CST9: variants seen among roughly 807,000 people sequenced by gnomAD.
The protein encoded by CST9 is cystatin-9.
In CST9, 11 loss-of-function variants were observed where a neutral mutation model predicts 7.7. The ratio of observed to expected loss-of-function variants is 1.44; its 90% CI spans 0.90 to 2.38. CST9 has a LOEUF of 2.38. CST9 is among the 30% of genes most tolerant of loss of function. The probability of loss-of-function intolerance (pLI) is 0.00; values close to 1 mark genes in which losing one functional copy is unlikely to be tolerated. For missense variants in CST9, 214 were observed against 199.1 expected, an observed-to-expected ratio of 1.07 and a Z score of -0.45; for synonymous variants, 71 against 74.3, an observed-to-expected ratio of 0.96 and a Z score of 0.23.
At position 23,603,611 on chromosome 20, in the gene CST9, C is replaced by T. The variant is rs1306313946; in HGVS notation, c.379G>A (p.Gly127Ser). ...ESLELNNVRQ[G>S]ISFPQVHSCG... is the part of the protein sequence containing the mutation. ...CTGTGGACCTGAGGAAAGCTGATGC[C>T]CTGTCTTACGTTGTTCAGCTCCAGG... Residue 127 changes from glycine to serine, a missense_variant, in exon 2 of 2, where the codon GGC becomes AGC. By Grantham distance (56) the Gly-to-Ser change is moderately conservative. Transcript: ENST00000376971. 3.1e-6 allele frequency: 5 copies of T among 1,614,076 alleles called. No individual in the cohort carries two copies. Among genetic ancestry groups the T allele is most frequent in the South Asian group, 2.2e-5 (2 of 91,092 alleles).
At chr20:23,604,451 T>C (rs1978707446) in intron 1 of CST9, among the ~76,000 whole-genome samples, 1 of 152,178 alleles carries the variant, frequency 6.6e-6, no homozygotes, top group African/African-American at 2.4e-5. Context: ...ATTTAGGACT[T>C]ATAGACCATA....
Position 23,605,848 on chromosome 20 carries a change from C to G in CST9, c.17G>C (p.Arg6Thr). The change falls in exon 1 of 2, where the codon AGG (arginine) becomes ACG (threonine). Residue 6 changes from arginine (R) to threonine (T), a missense_variant. By Grantham distance (71) the Arg-to-Thr change is moderately conservative. Transcript: ENST00000376971. ...CAGTGCCCAGGGCATAGCCTTCCTC[C>G]TCTGCGGACTCGACATGATGCAGGC... MSSPQRRKAMPWALSL... is the reference protein window; with the variant it reads MSSPQTRKAMPWALSL... The G allele has an allele frequency of 1.2e-6, 2 of 1,614,174 alleles. No homozygotes were observed. Among genetic ancestry groups the G allele is most frequent in the Non-Finnish European group, 1.7e-6 (2 of 1,180,036 alleles).
At chr20:23,604,110 C>T (rs1380605770) in intron 1 of CST9, among the ~76,000 whole-genome samples, 2 of 152,170 alleles carry the variant, frequency 1.3e-5, no homozygotes, top group African/African-American at 4.8e-5. Flanking sequence ...GTTGGATCTC[C>T]AAGAGTTTTC....
Position 23,603,730 on chromosome 20 carries a change from C to A in CST9, c.260G>T (p.Arg87Leu), listed in dbSNP as rs755220353. The stretch of plus-strand genomic sequence containing the variant: ...ATTCATGGAGAACACCATCTTACCT[C>A]GCCACTGTTGGACAAAAGAAGATTA... ...WREDSMDRKW[R>L]GKMVFSMNLQ... is the part of the protein sequence containing the mutation. Residue 87 changes from arginine to leucine, a missense_variant, in exon 2 of 2, where the codon CGA (arginine) becomes CTA (leucine). Transcript: ENST00000376971. 1.2e-6 allele frequency: 2 copies of A among 1,614,082 alleles called. No homozygotes were observed. Among genetic ancestry groups the A allele is most frequent in the South Asian group, 1.1e-5 (1 of 91,088 alleles).
rs779616489 is a variant in CST9, at chr20:23,605,703, G to C, written c.162C>G (p.Ala54=). Residue 54 remains alanine (A), a synonymous_variant, in exon 1 of 2, where the codon GCC becomes GCG. Transcript: ENST00000376971. ...TGCTCTGCACGTTGAAAGTGTTCAA[G>C]GCAAACTCCACTGTGGCGAGGAACA... ...DPMFLATVEF[A]LNTFNVQSKE... is the part of the protein sequence containing the mutation. 1.1e-5 allele frequency: 17 copies of C among 1,614,198 alleles called. No individual in the cohort carries two copies. Among genetic ancestry groups the C allele is most frequent in the Non-Finnish European group, 1.4e-5 (17 of 1,180,038 alleles).
chr20:23,602,992 T>G lies in CST9; in HGVS notation c.*518A>C, dbSNP rs1978656119. The G allele has an allele frequency of 1.0e-6, 1 of 1,001,724 alleles. No individual in the cohort carries two copies. Among genetic ancestry groups the G allele is most frequent in the East Asian group, 1.1e-4 (1 of 9,402 alleles). The allele number at this position is 1,001,724 out of a possible 1,614,324, so 62.1% of individuals were successfully genotyped here. A position where few individuals can be genotyped will look rare whatever the true frequency, so the allele number is the denominator to read the frequency against. On this transcript the variant is annotated 3_prime_UTR_variant, in exon 2 of 2. Transcript: ENST00000376971. ...AGGGGAACCCCAGGCTGTCCTGGTG[T>G]GATCCCTGCATCCAAGAGCAGCAGG...
Position 23,605,751 on chromosome 20 carries a change from A to G in CST9, c.114T>C (p.Asn38=). ...ACATAGGATCCTGGACTATTTTATT[A>G]TTACCACCCATTTCCTCTTCAGAAC... ...AWCSEEEMGG[N]NKIVQDPMFL... is the part of the protein sequence containing the mutation. Residue 38 remains asparagine (N), a synonymous_variant, in exon 1 of 2, where the codon AAT becomes AAC. Transcript: ENST00000376971. 1 of 1,614,178 alleles carries G rather than the reference A, an allele frequency of 6.2e-7. No individual in the cohort carries two copies. The highest frequency in any genetic ancestry group is 1.1e-5 in the South Asian group (1 of 91,076).
At position 23,605,752 on chromosome 20, in the gene CST9, T is replaced by C; in HGVS notation, c.113A>G (p.Asn38Ser). 6.2e-7 allele frequency: 1 copy of C among 1,614,238 alleles called. No individual in the cohort carries two copies. Among genetic ancestry groups the C allele is most frequent in the Non-Finnish European group, 8.5e-7 (1 of 1,180,038 alleles). The stretch of plus-strand genomic sequence containing the variant: ...CATAGGATCCTGGACTATTTTATTA[T>C]TACCACCCATTTCCTCTTCAGAACA... Reference protein sequence around the residue: ...AWCSEEEMGGNNKIVQDPMFL... With the variant: ...AWCSEEEMGGSNKIVQDPMFL... Residue 38 changes from asparagine to serine, a missense_variant, in exon 1 of 2, where the codon AAT becomes AGT. Asn to Ser is a conservative substitution (Grantham distance 46). Transcript: ENST00000376971.
In CST9 at chr20:23,602,566, A is replaced by C; in HGVS notation, c.*944T>G. 25 of 300,724 alleles carry C rather than the reference A, an allele frequency of 8.3e-5. No homozygotes were observed. The highest frequency in any genetic ancestry group is 1.2e-4 in the Non-Finnish European group (24 of 204,210). 18.6% of individuals were successfully genotyped at this position (300,724 alleles called of 1,614,324 possible). On this transcript the variant is annotated 3_prime_UTR_variant, in exon 2 of 2. Transcript: ENST00000376971. The stretch of plus-strand genomic sequence containing the variant: ...GCCACTGATATGTCAACTCCTGGGA[A>C]CAGCTGGTGTCCACGGGGGAGGGGG...
chr20:23,605,842 T>A lies in CST9; in HGVS notation c.23A>T (p.Lys8Met). The change falls in exon 1 of 2, where the codon AAG becomes ATG. Residue 8 changes from lysine to methionine, a missense_variant. By Grantham distance (95) the Lys-to-Met change is moderately conservative. Transcript: ENST00000376971. MSSPQRR[K>M]AMPWALSLLL... Reference sequence around the variant, plus strand: ...CAGTGACAGTGCCCAGGGCATAGCCTTCCTCCTCTGCGGACTCGACATGAT... The same window carrying A: ...CAGTGACAGTGCCCAGGGCATAGCCATCCTCCTCTGCGGACTCGACATGAT... The A allele has an allele frequency of 6.2e-7, 1 of 1,614,182 alleles. No homozygotes were observed. Among genetic ancestry groups the A allele is most frequent in the East Asian group, 2.2e-5 (1 of 44,882 alleles).
rs1377942014 is a variant in CST9, at chr20:23,602,595, C to G, written c.*915G>C. On this transcript the variant is annotated 3_prime_UTR_variant, in exon 2 of 2. Transcript: ENST00000376971. Reference sequence around the variant, plus strand: ...CTGGTGTCCACGGGGGAGGGGGCAGCATGTGGCCAGGCATGTGAGTGGCTT... The same window carrying G: ...CTGGTGTCCACGGGGGAGGGGGCAGGATGTGGCCAGGCATGTGAGTGGCTT... The G allele has an allele frequency of 3.1e-6, 2 of 636,784 alleles. No individual in the cohort carries two copies. The highest frequency in any genetic ancestry group is 1.3e-4 in the Admixed American group (2 of 15,816). 39.4% of individuals were successfully genotyped at this position (636,784 alleles called of 1,614,324 possible). A position where few individuals can be genotyped will look rare whatever the true frequency, so the allele number is the denominator to read the frequency against.
rs945078630 is a variant in CST9, at chr20:23,603,258, A to G, written c.*252T>C. On this transcript the variant is annotated 3_prime_UTR_variant, in exon 2 of 2. Coordinates refer to ENST00000376971, the MANE Select transcript of CST9 (RefSeq NM_001008693.3). ...GGCAGGGTAGGGAAACCCTGAGAAA[A>G]GTACCCACAGACATTGTCACCATTG... 1 of 1,357,814 alleles carries G rather than the reference A, an allele frequency of 7.4e-7. No homozygotes were observed. The highest frequency in any genetic ancestry group is 9.5e-7 in the Non-Finnish European group (1 of 1,053,564). 84.1% of individuals were successfully genotyped at this position (1,357,814 alleles called of 1,614,324 possible).
chr20:23,604,920 T>G (rs1025336055), intron 1 of CST9, among the ~76,000 whole-genome samples: 1 of 152,208 alleles, frequency 6.6e-6, no homozygotes, highest in African/African-American at 2.4e-5. Context: ...GGAGGGCATT[T>G]TAATTGTTCA....
At chr20:23,603,851 G>T in intron 1 of CST9, 117 bp from the exon 2 acceptor site, 1 of 1,073,640 alleles carries the variant, frequency 9.3e-7, no homozygotes, top group Non-Finnish European at 1.4e-6. Flanking sequence ...TTGAGAGCTT[G>T]CCCATGGGCC....
rs1422380005 is a variant in CST9 at position 23,605,701 on chromosome 20, A to C, written c.164T>G (p.Leu55Trp). 6.2e-7 allele frequency: 1 copy of C among 1,614,216 alleles called. No individual in the cohort carries two copies. The highest frequency in any genetic ancestry group is 1.1e-5 in the South Asian group (1 of 91,076). ...CTTGCTCTGCACGTTGAAAGTGTTCAAGGCAAACTCCACTGTGGCGAGGAA... is the reference window on the plus strand; with the variant it reads ...CTTGCTCTGCACGTTGAAAGTGTTCCAGGCAAACTCCACTGTGGCGAGGAA... ...PMFLATVEFA[L>W]NTFNVQSKEE... The change falls in exon 1 of 2, where the codon TTG becomes TGG. Residue 55 changes from leucine to tryptophan, a missense_variant. Physicochemically the swap from Leu to Trp is moderately conservative, Grantham distance 61. Coordinates refer to ENST00000376971, the MANE Select transcript of CST9 (RefSeq NM_001008693.3).
chr20:23,602,882 C>A lies in CST9; in HGVS notation c.*628G>T. ...GGTCTAGCCTGAGCCTGAGGCCAAT[C>A]CTGAACTACAACGTGATTTGAGGCT... On this transcript the variant is annotated 3_prime_UTR_variant, in exon 2 of 2. Transcript: ENST00000376971. 1.0e-6 allele frequency: 1 copy of A among 987,498 alleles called. No individual in the cohort carries two copies. Among genetic ancestry groups the A allele is most frequent in the Non-Finnish European group, 1.2e-6 (1 of 831,554 alleles). The allele number at this position is 987,498 out of a possible 1,614,324, so 61.2% of individuals were successfully genotyped here. A position where few individuals can be genotyped will look rare whatever the true frequency, so the allele number is the denominator to read the frequency against.
In CST9 at chr20:23,603,641, C is replaced by A; in HGVS notation, c.349G>T (p.Glu117Ter). 2 of 1,614,242 alleles carry A rather than the reference C, an allele frequency of 1.2e-6. No individual in the cohort carries two copies. The highest frequency in any genetic ancestry group is 4.5e-5 in the East Asian group (2 of 44,882). ...EDDIDNCPFQ[E>*]SLELNNVRQG... ...CTTACGTTGTTCAGCTCCAGGCTTT[C>A]TTGAAAAGGGCAGTTGTCAATGTCA... The change falls in exon 2 of 2, where the codon GAA becomes TAA. Residue 117 changes from glutamate (E) to a stop codon, truncating the protein, a stop_gained. Coordinates refer to ENST00000376971, the MANE Select transcript of CST9 (RefSeq NM_001008693.3). LOFTEE classifies it low-confidence loss of function (END_TRUNC).
chr20:23,605,489 G>C (rs1978736384), intron 1 of CST9, 121 bp downstream of exon 1: 1 of 1,148,860 alleles, frequency 8.7e-7, no homozygotes, highest in South Asian at 1.7e-5. Flanking sequence ...ACCGTAATTG[G>C]TTGTGGACTA....
chr20:23,605,738 G>A lies in CST9; in HGVS notation c.127C>T (p.Gln43Ter), dbSNP rs1226531802. ...EEMGGNNKIV[Q>*]DPMFLATVEF... is the part of the protein sequence containing the mutation. The stretch of plus-strand genomic sequence containing the variant: ...ACTGTGGCGAGGAACATAGGATCCT[G>A]GACTATTTTATTATTACCACCCATT... The change falls in exon 1 of 2, where the codon CAG becomes TAG. Residue 43 changes from glutamine to a stop codon, truncating the protein, a stop_gained. Coordinates refer to ENST00000376971, the MANE Select transcript of CST9 (RefSeq NM_001008693.3). LOFTEE classifies it high-confidence loss of function. The A allele has an allele frequency of 6.8e-6, 11 of 1,614,182 alleles. No homozygotes were observed. The highest frequency in any genetic ancestry group is 9.3e-6 in the Non-Finnish European group (11 of 1,180,024).
Sources: allele counts gnomAD v4.1 joint callset (sites outside exome capture counted in the v4.1 genomes callset), GRCh38; gene constraint gnomAD v4.1.1; transcripts MANE v1.5; gene names NCBI Gene and HGNC (gene_info 2026-07-23, HGNC 2026-07-21).